The following GPR155 variants were observed in gnomAD, a reference collection of about 807,000 sequenced individuals.
GPR155 encodes the protein G protein-coupled receptor 155.
In GPR155, 65 loss-of-function variants were observed where a neutral mutation model predicts 93.1. That is an observed-to-expected ratio of 0.70 (90% CI 0.57 to 0.86). The LOEUF (loss-of-function observed/expected upper bound fraction) is 0.86, where lower values mean the gene tolerates loss of function less well. Among genes scored for constraint, GPR155 ranks in the 40% least tolerant of loss-of-function variants. The probability of loss-of-function intolerance (pLI) is 0.00; values close to 1 mark genes in which losing one functional copy is unlikely to be tolerated. For missense variants in GPR155, 838 were observed against 1,034.8 expected (o/e 0.81, Z 2.61); for synonymous variants, 319 against 360.1 (o/e 0.89, Z 1.29).
At chr2:174,457,698 G>A (rs967445582) in intron 10 of GPR155, among the ~76,000 whole-genome samples, 2 of 151,952 alleles carry the variant, frequency 1.3e-5, no homozygotes, top group Admixed American at 6.6e-5. Context: ...CTTGTGATCC[G>A]CCCACCTCAG....
intron 10 of GPR155, among the ~76,000 whole-genome samples, chr2:174,459,673 C>T (rs2098189155): frequency 6.6e-6 from 1 of 152,108 alleles, no homozygotes; most frequent in African/African-American, 2.4e-5. Context: ...GGCGAAACCC[C>T]ATCTCTACTA....
At chr2:174,480,968 G>A (rs1408861001) in intron 2 of GPR155, among the ~76,000 whole-genome samples, 10 of 151,888 alleles carry the variant, frequency 6.6e-5, no homozygotes, top group Admixed American at 2.0e-4. Flanking sequence ...TTATACAGAC[G>A]AGGTTTCACC....
In GPR155 at chr2:174,461,449, G is replaced by A; in HGVS notation, c.1513C>T (p.His505Tyr). Residue 505 changes from histidine (H) to tyrosine (Y), a missense_variant, in exon 9 of 16, where the codon CAC becomes TAC. Physicochemically the swap from His to Tyr is moderately conservative, Grantham distance 83. Coordinates refer to ENST00000392552, the MANE Select transcript of GPR155 (RefSeq NM_152529.7). ...LVGVLLITGKHNGDSIDSAFF... is the reference protein window; with the variant it reads ...LVGVLLITGKYNGDSIDSAFF... ...GCTGAGTCAATGCTATCTCCATTGT[G>A]TTTTCCAGTTATCAAAAGAACACCA... The A allele has an allele frequency of 6.2e-7, 1 of 1,613,478 alleles. No homozygotes were observed. Among genetic ancestry groups the A allele is most frequent in the Non-Finnish European group, 8.5e-7 (1 of 1,179,542 alleles).
At chr2:174,457,835 C>T (rs990896200) in intron 10 of GPR155, among the ~76,000 whole-genome samples, 3 of 152,134 alleles carry the variant, frequency 2.0e-5, no homozygotes, top group Non-Finnish European at 2.9e-5. Flanking sequence ...ACTGCAGCTT[C>T]GACCTCCTGG....
At chr2:174,443,287 A>T (rs1687020339) in intron 13 of GPR155, among the ~76,000 whole-genome samples, 1 of 152,250 alleles carries the variant, frequency 6.6e-6, no homozygotes, top group Non-Finnish European at 1.5e-5. Flanking sequence ...AATTAATATT[A>T]GGAAAAACAG....
chr2:174,475,493 A>G (rs1028704665), intron 2 of GPR155, among the ~76,000 whole-genome samples: 4 of 142,610 alleles, frequency 2.8e-5, no homozygotes, highest in Non-Finnish European at 6.3e-5. Context: ...AAAAGCTAAA[A>G]CCTATTTTTT....
At chr2:174,479,732 C>A (rs962841343) in intron 2 of GPR155, among the ~76,000 whole-genome samples, 8 of 152,136 alleles carry the variant, frequency 5.3e-5, no homozygotes, top group African/African-American at 1.9e-4. Context: ...GTTCTAAGGT[C>A]CTTATACCAT....
At chr2:174,462,813 T>C (rs1687738469) in intron 7 of GPR155, among the ~76,000 whole-genome samples, 1 of 152,246 alleles carries the variant, frequency 6.6e-6, no homozygotes, top group Non-Finnish European at 1.5e-5. Context: ...TTACAACTTA[T>C]ATGTAATTAT....
At chr2:174,478,002 C>T (rs1043233253) in intron 2 of GPR155, among the ~76,000 whole-genome samples, 1 of 152,128 alleles carries the variant, frequency 6.6e-6, no homozygotes, top group African/African-American at 2.4e-5. Flanking sequence ...GTTTACAGCT[C>T]AAGCACTAGA....
At chr2:174,456,202 G>T (rs1687512358) in intron 10 of GPR155, among the ~76,000 whole-genome samples, 1 of 152,108 alleles carries the variant, frequency 6.6e-6, no homozygotes, top group African/African-American at 2.4e-5. Context: ...GTATAAAGGG[G>T]TCAGGTTAGA....
At chr2:174,436,793 T>C (rs1047383348) in intron 15 of GPR155, among the ~76,000 whole-genome samples, 1 of 152,228 alleles carries the variant, frequency 6.6e-6, no homozygotes, top group African/African-American at 2.4e-5. Flanking sequence ...CTAAGTAATT[T>C]GTGTCAGGAA....
At chr2:174,445,954 T>C (rs1037623521) in intron 12 of GPR155, among the ~76,000 whole-genome samples, 6 of 152,048 alleles carry the variant, frequency 3.9e-5, no homozygotes, top group Admixed American at 2.6e-4. Flanking sequence ...TGTAGGCATT[T>C]ATCCACTTTG....
rs956246911 is a variant in GPR155 at position 174,482,370 on chromosome 2, C to T, written c.-31-383G>A. ...AGCTCCGCCTGGTGGATAAGGGCAT[C>T]GGGCACACATAGTCTCCGCTGAATG... On this transcript the variant is annotated intron_variant, in intron 1 of 15. Coordinates refer to ENST00000392552, the MANE Select transcript of GPR155 (RefSeq NM_152529.7). 6.6e-5 allele frequency among the ~76,000 whole-genome samples: 10 copies of T among 152,284 alleles called. No individual in the cohort carries two copies. The South Asian group carries it at 1.7e-3, about 25-fold the overall frequency.
chr2:174,480,738 C>T (rs1426555344), intron 2 of GPR155, among the ~76,000 whole-genome samples: 1 of 151,868 alleles, frequency 6.6e-6, no homozygotes, highest in African/African-American at 2.4e-5. Context: ...AACTAAAATA[C>T]ATTAAAATTT....
Position 174,481,104 on chromosome 2 carries a change from C to T in GPR155, c.460+393G>A, listed in dbSNP as rs566844196. 2.0e-5 allele frequency among the ~76,000 whole-genome samples: 3 copies of T among 152,258 alleles called. No homozygotes were observed. The East Asian group carries it at 5.8e-4, about 29-fold the overall frequency. On this transcript the variant is annotated intron_variant, in intron 2 of 15. Coordinates refer to ENST00000392552, the MANE Select transcript of GPR155 (RefSeq NM_152529.7). ...GAACAATTTCTGATATAAAATAATA[C>T]ATATTCTAGATGGTAGGAAAAATAA...
chr2:174,461,610 T>C lies in GPR155; in HGVS notation c.1447A>G (p.Ile483Val), dbSNP rs199785525. ...KRERVQIPVG[I>V]IIISGWGIPA... ...TACCCCCAGCCAGATATTATGATTA[T>C]TCCAACAGGAATTTGTACCCTCTCT... is the stretch of plus-strand genomic sequence containing the variant. Residue 483 changes from isoleucine to valine, a missense_variant, in exon 8 of 16, where the codon ATA becomes GTA. Ile to Val is a conservative substitution (Grantham distance 29). Around this residue, in one of 3 missense-constraint regions of GPR155, gnomAD observed 663 missense variants for 790.1 expected, o/e 0.84. Coordinates refer to ENST00000392552, the MANE Select transcript of GPR155 (RefSeq NM_152529.7). 1.1e-4 allele frequency: 177 copies of C among 1,610,830 alleles called. No individual in the cohort carries two copies. The highest frequency in any genetic ancestry group is 1.4e-4 in the Non-Finnish European group (170 of 1,177,182).
At chr2:174,475,522 C>A (rs1457603406) in intron 2 of GPR155, among the ~76,000 whole-genome samples, 1 of 151,860 alleles carries the variant, frequency 6.6e-6, no homozygotes, top group Non-Finnish European at 1.5e-5. Context: ...ATTCAATCCC[C>A]ATTTTCTCAG....
At chr2:174,486,179 C>T (rs1347109457) in intron 1 of GPR155, among the ~76,000 whole-genome samples, 2 of 152,228 alleles carry the variant, frequency 1.3e-5, no homozygotes, top group Admixed American at 6.5e-5. Context: ...CCCACTCCTA[C>T]CTACTTGCAG....
At chr2:174,447,326 TA>T (rs889187651) in intron 11 of GPR155, among the ~76,000 whole-genome samples, 5 of 146,902 alleles carry the variant, frequency 3.4e-5, no homozygotes, top group African/African-American at 7.4e-5. Context: ...CAAAAAAAAT[TA>T]AAAAAAATAA....
Sources: allele counts gnomAD v4.1 joint callset (sites outside exome capture counted in the v4.1 genomes callset), GRCh38; gene constraint gnomAD v4.1.1; regional missense constraint gnomAD v4.1.1; transcripts MANE v1.5; gene names NCBI Gene and HGNC (gene_info 2026-07-23, HGNC 2026-07-21).